Variants in KIF13B observed in about 807,000 individuals in gnomAD.
KIF13B encodes kinesin-like protein KIF13B.
In KIF13B, 127 loss-of-function variants were observed where a neutral mutation model predicts 222.0. The observed-to-expected ratio is 0.57, with a 90% CI of 0.50 to 0.66. The LOEUF (loss-of-function observed/expected upper bound fraction) is 0.66. KIF13B is among the 30% of genes least tolerant of loss of function. The probability of loss-of-function intolerance (pLI) is 0.00; values close to 1 mark genes in which losing one functional copy is unlikely to be tolerated. For synonymous variants in KIF13B, 976 were observed against 919.0 expected (o/e 1.06, Z -1.12); for missense variants, 2,173 against 2,379.0 (o/e 0.91, Z 1.80).
intron 37 of KIF13B, among the ~76,000 whole-genome samples, chr8:29,078,053 CAGG>C (rs1397251702): frequency 7.0e-6 from 1 of 143,014 alleles, no homozygotes; most frequent in Non-Finnish European, 1.5e-5. Flanking sequence ...GAGGCCGCAG[CAGG>C]AGGATCACCT....
intron 26 of KIF13B, 147 bp downstream of exon 26, chr8:29,126,335 G>A (rs1810108030): frequency 1.6e-6 from 1 of 609,524 alleles, no homozygotes; most frequent in African/African-American, 1.9e-5. Flanking sequence ...AACACTCAAT[G>A]TTCCCTACTC....
chr8:29,196,150 T>C, intron 3 of KIF13B, 37 bp downstream of exon 3: 1 of 1,531,442 alleles, frequency 6.5e-7, no homozygotes, highest in Middle Eastern at 1.7e-4. Context: ...GCATATAAGA[T>C]CTTTACAAGC....
rs754956377 is a variant in KIF13B at position 29,191,069 on chromosome 8, G to A, written c.163-12C>T. 3.1e-6 allele frequency: 5 copies of A among 1,595,360 alleles called. No homozygotes were observed. In the South Asian group the frequency reaches 5.6e-5, roughly 18 times the overall value. On this transcript the variant is annotated splice_polypyrimidine_tract_variant and intron_variant, in intron 3 of 39. Coordinates refer to ENST00000524189, the MANE Select transcript of KIF13B (RefSeq NM_015254.4). ...TCATAAGCAAACACCTGTTGAAAAT[G>A]AACATAAGTGTGTGTTAAGAAAACC...
chr8:29,238,012 C>T (rs978037779), intron 2 of KIF13B, among the ~76,000 whole-genome samples: 1 of 152,162 alleles, frequency 6.6e-6, no homozygotes, highest in Non-Finnish European at 1.5e-5. Flanking sequence ...AAACATACCA[C>T]GTACTGTTCT....
intron 18 of KIF13B, among the ~76,000 whole-genome samples, chr8:29,143,451 T>C (rs935705318): frequency 6.6e-6 from 1 of 152,234 alleles, no homozygotes; most frequent in African/African-American, 2.4e-5. Flanking sequence ...TTTCCAAATA[T>C]GCATTGTTTG....
chr8:29,233,475 C>A (rs1292480148), intron 2 of KIF13B, among the ~76,000 whole-genome samples: 1 of 152,162 alleles, frequency 6.6e-6, no homozygotes, highest in African/African-American at 2.4e-5. Context: ...CGTGACATTG[C>A]TTATATGGGG....
chr8:29,070,811 G>A lies in KIF13B; in HGVS notation c.5219-45C>T. On this transcript the variant is annotated intron_variant, in intron 39 of 39. Coordinates refer to ENST00000524189, the MANE Select transcript of KIF13B (RefSeq NM_015254.4). This position sits in a 1 kb window ranked among gnomAD's most constrained non-coding sequence, Gnocchi z 4.1. The stretch of plus-strand genomic sequence containing the variant: ...TGATATGGAGGGCAGCCGAGCTGCA[G>A]ACGGCCCCCTGCACCTCCCTTACCT... 6.4e-7 allele frequency: 1 copy of A among 1,565,570 alleles called. No individual in the cohort carries two copies. The highest frequency in any genetic ancestry group is 8.7e-7 in the Non-Finnish European group (1 of 1,155,614).
chr8:29,130,004 T>C (rs769261532), intron 24 of KIF13B, among the ~76,000 whole-genome samples: 11 of 152,256 alleles, frequency 7.2e-5, no homozygotes, highest in Non-Finnish European at 1.5e-4. Flanking sequence ...ACAATCTGAA[T>C]GCTTATTATT....
chr8:29,245,311 ACAT>A (rs1296924391), intron 2 of KIF13B, 32 bp downstream of exon 2: 1 of 1,416,650 alleles, frequency 7.1e-7, no homozygotes. Context: ...AGTTACTTAA[ACAT>A]CCATTGAGCA....
At chr8:29,188,479 T>C (rs761555155) in intron 5 of KIF13B, 36 bp downstream of exon 5, 5 of 1,236,506 alleles carry the variant, frequency 4.0e-6, no homozygotes, top group Admixed American at 3.8e-5. Context: ...CTTTCATTGA[T>C]GGTTGTTTAT....
At chr8:29,157,233 C>A (rs1356430672) in intron 13 of KIF13B, among the ~76,000 whole-genome samples, 1 of 151,696 alleles carries the variant, frequency 6.6e-6, no homozygotes, top group Non-Finnish European at 1.5e-5. Context: ...ACTCCTGCCA[C>A]AACAGCTGGT....
intron 10 of KIF13B, among the ~76,000 whole-genome samples, chr8:29,173,990 AT>A (rs892665755): frequency 1.3e-5 from 2 of 152,046 alleles, no homozygotes; most frequent in African/African-American, 2.4e-5. Flanking sequence ...TTAAAAAAAA[AT>A]TTTTTAAATA....
chr8:29,114,667 T>C (rs1310597044), intron 31 of KIF13B, among the ~76,000 whole-genome samples: 2 of 152,168 alleles, frequency 1.3e-5, no homozygotes, highest in African/African-American at 2.4e-5. Flanking sequence ...GAATGAAATA[T>C]CTGAAATTGA....
intron 10 of KIF13B, among the ~76,000 whole-genome samples, chr8:29,174,737 C>T (rs1812405753): frequency 6.6e-6 from 1 of 152,304 alleles, no homozygotes; most frequent in African/African-American, 2.4e-5. Context: ...TGATATTCTA[C>T]TGTGGAAAAT....
At chr8:29,213,471 A>G (rs7831454) in intron 2 of KIF13B, among the ~76,000 whole-genome samples, 128,300 of 152,208 alleles carry the variant, frequency 0.84, 54,719 homozygotes, top group Non-Finnish European at 0.88. Context: ...GAATATGTTC[A>G]GGAAATGCAT....
intron 22 of KIF13B, among the ~76,000 whole-genome samples, chr8:29,132,718 T>C (rs1427646755): frequency 2.0e-5 from 3 of 152,228 alleles, no homozygotes; most frequent in Non-Finnish European, 4.4e-5. Context: ...AAGACCACCA[T>C]TGCATTCTAT....
chr8:29,085,887 C>G (rs1294431198), intron 37 of KIF13B, among the ~76,000 whole-genome samples: 1 of 146,268 alleles, frequency 6.8e-6, no homozygotes, highest in Non-Finnish European at 1.5e-5. Context: ...ACCTTGCTAT[C>G]TATAAACCAT....
chr8:29,147,779 C>G (rs1375814195), intron 16 of KIF13B, among the ~76,000 whole-genome samples, 177 bp from the exon 17 acceptor site: 2 of 152,228 alleles, frequency 1.3e-5, no homozygotes. Context: ...TATATATTCT[C>G]AGACATATCC....
intron 3 of KIF13B, among the ~76,000 whole-genome samples, chr8:29,193,504 A>G (rs1168202185): frequency 6.6e-6 from 1 of 152,182 alleles, no homozygotes; most frequent in Non-Finnish European, 1.5e-5. Context: ...TTATCTCCAT[A>G]ATTTTATTTA....
Sources: gnomAD v4.1 joint callset for allele counts (sites outside exome capture counted in the v4.1 genomes callset) on GRCh38, gnomAD v4.1.1 for gene constraint, Gnocchi (gnomAD v3.1) non-coding constraint, MANE v1.5 for transcripts, NCBI Gene and HGNC (gene_info 2026-07-23, HGNC 2026-07-21) for gene names.